RFTN1: variants seen among roughly 807,000 people sequenced by gnomAD.
RFTN1 encodes raftlin, lipid raft linker 1.
In RFTN1, 26 loss-of-function variants were observed where a neutral mutation model predicts 46.5. That is an observed-to-expected ratio of 0.56 (90% CI 0.41 to 0.78). The LOEUF is 0.78. RFTN1 is among the 30% of genes least tolerant of loss of function. RFTN1 has a pLI of 0.00. For synonymous variants in RFTN1, 261 were observed against 284.2 expected (o/e 0.92, Z 0.82); for missense variants, 693 against 718.7 (o/e 0.96, Z 0.41).
rs1398785313 is a variant in RFTN1, at chr3:16,450,528, C to T, written c.146-16491G>A. Among the ~76,000 whole-genome samples, 1 of 152,162 alleles carries T rather than the reference C, an allele frequency of 6.6e-6. No individual in the cohort carries two copies. Among genetic ancestry groups the T allele is most frequent in the Non-Finnish European group, 1.5e-5 (1 of 68,036 alleles). On this transcript the variant is annotated intron_variant, in intron 2 of 9. Coordinates refer to ENST00000334133, the MANE Select transcript of RFTN1 (RefSeq NM_015150.2). This position sits in a 1 kb window ranked among gnomAD's most constrained non-coding sequence, Gnocchi z 4.6. ...CATCCTGTTCAGGTTAACATGTCTC[C>T]CATGTCTATGCTCCCTCAGGTGGCT...
At position 16,498,152 on chromosome 3, in the gene RFTN1, A is replaced by T. The variant is rs1559377331; in HGVS notation, c.-8-4275T>A. 6.6e-6 allele frequency among the ~76,000 whole-genome samples: 1 copy of T among 152,222 alleles called. No homozygotes were observed. The highest frequency in any genetic ancestry group is 2.4e-5 in the African/African-American group (1 of 41,456). On this transcript the variant is annotated intron_variant, in intron 1 of 9. Coordinates refer to ENST00000334133, the MANE Select transcript of RFTN1 (RefSeq NM_015150.2). This position sits in a 1 kb window ranked among gnomAD's most constrained non-coding sequence, Gnocchi z 5.2. ...AAAAGATAAAGAGTATGTTACATTA[A>T]ACCAAATTTGGCTTGACGATGCCTC...
Position 16,446,709 on chromosome 3 carries a change from C to T in RFTN1, c.146-12672G>A. 6.6e-6 allele frequency among the ~76,000 whole-genome samples: 1 copy of T among 152,134 alleles called. No individual in the cohort carries two copies. The highest frequency in any genetic ancestry group is 1.9e-4 in the East Asian group (1 of 5,200). The stretch of plus-strand genomic sequence containing the variant: ...AAGACAGTGACTGGAAATCTCAACT[C>T]CAAACAGCAGAAAATGGAAAACAAG... On this transcript the variant is annotated intron_variant, in intron 2 of 9. Coordinates refer to ENST00000334133, the MANE Select transcript of RFTN1 (RefSeq NM_015150.2). This position sits in a 1 kb window ranked among gnomAD's most constrained non-coding sequence, Gnocchi z 4.5.
At position 16,376,491 on chromosome 3, in the gene RFTN1, C is replaced by A. The variant is rs1460101528; in HGVS notation, c.826+1227G>T. On this transcript the variant is annotated intron_variant, in intron 5 of 9. Transcript: ENST00000334133. The surrounding 1 kb of genome is among the most constrained non-coding windows in gnomAD (Gnocchi z 4.7). ...GCCCAGGATTCAGAGCACACACATCCAGCCCAGCCTCCATGAGAAGATGGA... is the reference window on the plus strand; with the variant it reads ...GCCCAGGATTCAGAGCACACACATCAAGCCCAGCCTCCATGAGAAGATGGA... Among the ~76,000 whole-genome samples the A allele has an allele frequency of 6.6e-6, 1 of 152,146 alleles. No individual in the cohort carries two copies. Among genetic ancestry groups the A allele is most frequent in the African/African-American group, 2.4e-5 (1 of 41,440 alleles).
chr3:16,399,597 TGGAATTCCCCTGGGCTCAGCC>T (rs1420835604), intron 4 of RFTN1, among the ~76,000 whole-genome samples: 1 of 152,216 alleles, frequency 6.6e-6, no homozygotes, highest in African/African-American at 2.4e-5. Context: ...CTCTGAATGC[TGGAATTCCCCTGGGCTCAGCC>T]CTAAGGCCTT....
At chr3:16,420,238 C>A (rs1416614705) in intron 3 of RFTN1, among the ~76,000 whole-genome samples, 1 of 152,186 alleles carries the variant, frequency 6.6e-6, no homozygotes, top group Non-Finnish European at 1.5e-5. Context: ...AAGAGGAGAG[C>A]AGCCACACAG....
chr3:16,507,982 C>T lies in RFTN1; in HGVS notation c.-9+5460G>A, dbSNP rs1460040727. On this transcript the variant is annotated intron_variant, in intron 1 of 9. Transcript: ENST00000334133. This position sits in a 1 kb window ranked among gnomAD's most constrained non-coding sequence, Gnocchi z 7.1. ...AGGTGTAAACGCCAGAGAAAGTTGT[C>T]AGTGAGGTGCATCTGGCTTCCTGGT... 1.3e-5 allele frequency among the ~76,000 whole-genome samples: 2 copies of T among 152,206 alleles called. No individual in the cohort carries two copies. The highest frequency in any genetic ancestry group is 4.8e-5 in the African/African-American group (2 of 41,448).
In RFTN1 at chr3:16,498,338, C is replaced by T. The variant is rs1024512239; in HGVS notation, c.-8-4461G>A. The stretch of plus-strand genomic sequence containing the variant: ...AGGCAGTGAATTAATGTAACCAAGC[C>T]AGCTGTCTCTGTACCTCACTTCTCT... On this transcript the variant is annotated intron_variant, in intron 1 of 9. Transcript: ENST00000334133. The surrounding 1 kb of genome is among the most constrained non-coding windows in gnomAD (Gnocchi z 5.2). 1.3e-5 allele frequency among the ~76,000 whole-genome samples: 2 copies of T among 152,178 alleles called. No homozygotes were observed. The highest frequency in any genetic ancestry group is 2.4e-5 in the African/African-American group (1 of 41,446).
intron 7 of RFTN1, among the ~76,000 whole-genome samples, chr3:16,328,173 C>T (rs1021271106): frequency 2.0e-5 from 3 of 152,264 alleles, no homozygotes; most frequent in Non-Finnish European, 4.4e-5. Context: ...CTGGCAGGGC[C>T]ATGGGACTTT....
intron 4 of RFTN1, among the ~76,000 whole-genome samples, chr3:16,397,069 G>GAAAAAAAA (rs11290510): frequency 2.6e-5 from 3 of 117,124 alleles, no homozygotes; most frequent in Admixed American, 9.1e-5. Flanking sequence ...GTCTCAAAAT[G>GAAAAAAAA]AAAAAAAAAA....
intron 2 of RFTN1, among the ~76,000 whole-genome samples, chr3:16,454,547 G>A (rs2075873142): frequency 6.6e-6 from 1 of 152,218 alleles, no homozygotes; most frequent in African/African-American, 2.4e-5. Flanking sequence ...CCAAGGGTGA[G>A]CTCACTGGGA....
chr3:16,377,488 C>A (rs1339302762), intron 5 of RFTN1, among the ~76,000 whole-genome samples: 1 of 152,198 alleles, frequency 6.6e-6, no homozygotes, highest in Non-Finnish European at 1.5e-5. Context: ...CATTTTGGAG[C>A]AAACTGCAAG....
At position 16,387,707 on chromosome 3, in the gene RFTN1, A is replaced by C. The variant is rs2074235771; in HGVS notation, c.442-9605T>G. On this transcript the variant is annotated intron_variant, in intron 4 of 9. Transcript: ENST00000334133. This position sits in a 1 kb window ranked among gnomAD's most constrained non-coding sequence, Gnocchi z 5.2. ...AATCCAACCAACAATAGAAGTAAGC[A>C]AGCCTCGTCCACCCACCCGCCTCAC... Among the ~76,000 whole-genome samples the C allele has an allele frequency of 6.6e-6, 1 of 151,942 alleles. No homozygotes were observed. The highest frequency in any genetic ancestry group is 6.6e-5 in the Admixed American group (1 of 15,246).
At chr3:16,416,193 C>T (rs62236345) in intron 3 of RFTN1, 38,506 of 455,402 alleles carry the variant, frequency 0.085, 1,887 homozygotes, top group Middle Eastern at 0.13. Flanking sequence ...AAGGGTACTA[C>T]TGGCAGAGAT....
intron 1 of RFTN1, among the ~76,000 whole-genome samples, chr3:16,496,565 T>A (rs936954959): frequency 2.6e-5 from 4 of 152,184 alleles, no homozygotes; most frequent in African/African-American, 9.7e-5. Context: ...CTCGACATTT[T>A]AAAAACTGAT....
chr3:16,453,072 T>C (rs1055822398), intron 2 of RFTN1, among the ~76,000 whole-genome samples: 1 of 152,218 alleles, frequency 6.6e-6, no homozygotes, highest in Non-Finnish European at 1.5e-5. Context: ...CAAGCATCCT[T>C]GCTTAATTCT....
At position 16,410,008 on chromosome 3, in the gene RFTN1, T is replaced by TA. The variant is rs1559332637; in HGVS notation, c.333-526_333-525insT. Among the ~76,000 whole-genome samples the TA allele has an allele frequency of 5.8e-5, 8 of 138,524 alleles. No individual in the cohort carries two copies. The highest frequency in any genetic ancestry group is 2.0e-4 in the African/African-American group (8 of 39,070). The allele number at this position is 138,524 out of a possible 152,430, so 90.9% of individuals were successfully genotyped here. A position where few individuals can be genotyped will look rare whatever the true frequency, so the allele number is the denominator to read the frequency against. Reference sequence around the variant, plus strand: ...AGACGCAGAATATTTTTTTTTTTTTTTAAAAAGAATCATTGGGTCTTTAAT... The same window carrying TA: ...AGACGCAGAATATTTTTTTTTTTTTTATAAAAAGAATCATTGGGTCTTTAAT... On this transcript the variant is annotated intron_variant, in intron 3 of 9. Transcript: ENST00000334133. This position sits in a 1 kb window ranked among gnomAD's most constrained non-coding sequence, Gnocchi z 4.6.
rs2075645745 is a variant in RFTN1 at position 16,442,444 on chromosome 3, A to G, written c.146-8407T>C. Among the ~76,000 whole-genome samples the G allele has an allele frequency of 1.3e-5, 2 of 152,200 alleles. No individual in the cohort carries two copies. Among genetic ancestry groups the G allele is most frequent in the Admixed American group, 1.3e-4 (2 of 15,284 alleles). Reference sequence around the variant, plus strand: ...CACAAAAAAAAACTATTCTTTTTTTAAATTTTAATGGATTTTTGTTGTGTA... The same window carrying G: ...CACAAAAAAAAACTATTCTTTTTTTGAATTTTAATGGATTTTTGTTGTGTA... On this transcript the variant is annotated intron_variant, in intron 2 of 9. Transcript: ENST00000334133. The surrounding 1 kb of genome is among the most constrained non-coding windows in gnomAD (Gnocchi z 4.1).
At chr3:16,399,767 T>A (rs554538984) in intron 4 of RFTN1, among the ~76,000 whole-genome samples, 11 of 152,210 alleles carry the variant, frequency 7.2e-5, no homozygotes, top group African/African-American at 2.6e-4. Context: ...CATTCTGCAG[T>A]CATCCTTATC....
chr3:16,419,003 A>G (rs982893196), intron 3 of RFTN1, among the ~76,000 whole-genome samples: 3 of 152,196 alleles, frequency 2.0e-5, no homozygotes, highest in Admixed American at 6.5e-5. Flanking sequence ...GTGTGGGCTG[A>G]GTCTTTGAGT....
Sources: gnomAD v4.1 joint callset for allele counts (sites outside exome capture counted in the v4.1 genomes callset) on GRCh38, gnomAD v4.1.1 for gene constraint, Gnocchi (gnomAD v3.1) non-coding constraint, MANE v1.5 for transcripts, NCBI Gene and HGNC (gene_info 2026-07-23, HGNC 2026-07-21) for gene names.